The following VEZT variants were observed in gnomAD, a reference collection of about 807,000 sequenced individuals.
The protein encoded by VEZT is vezatin, adherens junctions transmembrane protein, also known as vezatin.
A neutral mutation model predicts 79.9 loss-of-function variants in VEZT; 39 were observed. The ratio of observed to expected loss-of-function variants is 0.49; its 90% CI spans 0.38 to 0.64. The LOEUF (loss-of-function observed/expected upper bound fraction) is 0.64, where lower values mean the gene tolerates loss of function less well. Among genes scored for constraint, VEZT ranks in the 30% least tolerant of loss-of-function variants. The pLI, the probability that VEZT is intolerant of heterozygous loss-of-function variation, is 0.00. For synonymous variants in VEZT, 325 were observed against 327.6 expected, an observed-to-expected ratio of 0.99 and a Z score of 0.09; for missense variants, 837 against 893.1, an observed-to-expected ratio of 0.94 and a Z score of 0.80.
intron 3 of VEZT, among the ~76,000 whole-genome samples, chr12:95,261,526 C>G (rs1427250786): frequency 6.6e-6 from 1 of 152,128 alleles, no homozygotes; most frequent in Non-Finnish European, 1.5e-5. Flanking sequence ...ATTCTCCTGC[C>G]TCAGCTTCCC....
At chr12:95,260,921 T>C (rs1352418376) in intron 3 of VEZT, among the ~76,000 whole-genome samples, 2 of 151,028 alleles carry the variant, frequency 1.3e-5, no homozygotes. Flanking sequence ...AGAATCAGAA[T>C]TGTGGGAAGA....
chr12:95,256,198 T>G (rs565920284), intron 2 of VEZT, among the ~76,000 whole-genome samples: 1 of 152,230 alleles, frequency 6.6e-6, no homozygotes, highest in South Asian at 2.1e-4. Context: ...ATTACAGGCA[T>G]GCACCACTAT....
In VEZT at chr12:95,228,683, C is replaced by T. The variant is rs529385469; in HGVS notation, c.36+10797C>T. 4.9e-4 allele frequency among the ~76,000 whole-genome samples: 75 copies of T among 152,202 alleles called. 1 individual carries two copies. Among genetic ancestry groups the T allele is most frequent in the Middle Eastern group, 6.8e-3 (2 of 294 alleles). On this transcript the variant is annotated intron_variant, in intron 1 of 11. Coordinates refer to ENST00000436874, the MANE Select transcript of VEZT (RefSeq NM_017599.4). ...TATTAATAGTGCTATTAAATCACAACTCTATTGACATCAAAGATTGACCAT... is the reference window on the plus strand; with the variant it reads ...TATTAATAGTGCTATTAAATCACAATTCTATTGACATCAAAGATTGACCAT...
chr12:95,264,562 A>G (rs970313657), intron 4 of VEZT, among the ~76,000 whole-genome samples: 2 of 151,882 alleles, frequency 1.3e-5, no homozygotes, highest in Non-Finnish European at 2.9e-5. Flanking sequence ...CTAGCCTCCC[A>G]AATACCTGGG....
At chr12:95,272,170 A>C (rs561720245) in intron 6 of VEZT, among the ~76,000 whole-genome samples, 20 of 152,328 alleles carry the variant, frequency 1.3e-4, no homozygotes, top group African/African-American at 4.8e-4. Flanking sequence ...GCCTGTCTCA[A>C]ATAAACTAAA....
chr12:95,256,612 G>A (rs1354967246), intron 2 of VEZT: 2 of 1,289,070 alleles, frequency 1.6e-6, no homozygotes, highest in Non-Finnish European at 2.0e-6. Context: ...CTCAAGGAAT[G>A]GGCTATTAAG....
At chr12:95,232,246 A>C (rs1001427921) in intron 1 of VEZT, among the ~76,000 whole-genome samples, 3 of 152,234 alleles carry the variant, frequency 2.0e-5, no homozygotes, top group Admixed American at 2.0e-4. Context: ...CTTTAGTTGC[A>C]GATACCTTTT....
At chr12:95,243,945 C>T (rs1215031422) in intron 1 of VEZT, 3 of 456,072 alleles carry the variant, frequency 6.6e-6, no homozygotes, top group Non-Finnish European at 1.3e-5. Flanking sequence ...ATCTAGGCAG[C>T]AGAGCCCTTG....
intron 11 of VEZT, chr12:95,296,799 G>T (rs933471323): frequency 2.0e-5 from 3 of 152,390 alleles, no homozygotes; most frequent in Admixed American, 2.0e-4. Context: ...AATTAACAAG[G>T]CATGGTGGCG....
At chr12:95,277,475 TGAG>T (rs905241155) in intron 7 of VEZT, among the ~76,000 whole-genome samples, 4 of 150,948 alleles carry the variant, frequency 2.6e-5, no homozygotes, top group Admixed American at 2.0e-4. Flanking sequence ...AAAAAAAAAA[TGAG>T]GAGAAAATAC....
chr12:95,236,728 A>C (rs896737136), intron 1 of VEZT, among the ~76,000 whole-genome samples: 7 of 152,016 alleles, frequency 4.6e-5, no homozygotes, highest in Non-Finnish European at 7.4e-5. Context: ...CCCACATTAC[A>C]GTCTCCTGCC....
At chr12:95,275,389 C>T (rs544633970) in intron 7 of VEZT, among the ~76,000 whole-genome samples, 1 of 152,216 alleles carries the variant, frequency 6.6e-6, no homozygotes, top group African/African-American at 2.4e-5. Flanking sequence ...CACCTGAGCT[C>T]AGGAGTTCGA....
intron 1 of VEZT, among the ~76,000 whole-genome samples, chr12:95,248,684 T>C (rs1203285693): frequency 6.6e-6 from 1 of 152,080 alleles, no homozygotes; most frequent in Non-Finnish European, 1.5e-5. Flanking sequence ...CTCCTGGTTT[T>C]GACTGAGTCT....
intron 1 of VEZT, among the ~76,000 whole-genome samples, chr12:95,240,357 A>G (rs997509691): frequency 2.0e-5 from 3 of 152,176 alleles, no homozygotes; most frequent in African/African-American, 7.2e-5. Context: ...TTTTTTAAAT[A>G]AGGAAAATTT....
rs2065485542 is a variant in VEZT at position 95,266,127 on chromosome 12, A to G, written c.435-230A>G. ...GATACCTGTTTTCTTACTTAAATTTATCAGCTCAGATGTTAATACCTAAGC... is the reference window on the plus strand; with the variant it reads ...GATACCTGTTTTCTTACTTAAATTTGTCAGCTCAGATGTTAATACCTAAGC... On this transcript the variant is annotated intron_variant, in intron 4 of 11. Transcript: ENST00000436874. 4.6e-5 allele frequency among the ~76,000 whole-genome samples: 7 copies of G among 152,202 alleles called. No individual in the cohort carries two copies. In the South Asian group the frequency reaches 1.5e-3, roughly 32 times the overall value.
chr12:95,237,227 G>A (rs2060312279), intron 1 of VEZT, among the ~76,000 whole-genome samples: 1 of 151,954 alleles, frequency 6.6e-6, no homozygotes, highest in Non-Finnish European at 1.5e-5. Flanking sequence ...AAGTTCCCTT[G>A]GTCTCTCTGT....
chr12:95,243,361 CAA>C (rs34891631), intron 1 of VEZT, among the ~76,000 whole-genome samples: 58 of 73,216 alleles, frequency 7.9e-4, no homozygotes, highest in South Asian at 1.9e-3. Flanking sequence ...GACACCATCT[CAA>C]AAAAAAAAAA....
rs1165619468 is a variant in VEZT at position 95,217,970 on chromosome 12, G to A, written c.36+84G>A. ...ATCGAGGAAGCAAGGCGTTCCCGGG[G>A]CGAGGGATCGGGTGACGCGCTCCAG... On this transcript the variant is annotated intron_variant, in intron 1 of 11. Coordinates refer to ENST00000436874, the MANE Select transcript of VEZT (RefSeq NM_017599.4). The A allele has an allele frequency of 2.9e-6, 4 of 1,376,316 alleles. No individual in the cohort carries two copies. The East Asian group carries it at 8.4e-5, about 29-fold the overall frequency. 85.3% of individuals were successfully genotyped at this position (1,376,316 alleles called of 1,614,324 possible). A position where few individuals can be genotyped will look rare whatever the true frequency, so the allele number is the denominator to read the frequency against.
rs2071390697 is a variant in VEZT at position 95,287,850 on chromosome 12, T to C, written c.1515T>C (p.Asp505=). ...QVDKLLRRNT[D]KKGKPEIACE... is the part of the protein sequence containing the mutation. ...ACAAACTGCTACGAAGAAATACAGATAAAAAAGGTACCTGTGAGAGATTTC... is the reference window on the plus strand; with the variant it reads ...ACAAACTGCTACGAAGAAATACAGACAAAAAAGGTACCTGTGAGAGATTTC... The change falls in exon 9 of 12, where the codon GAT becomes GAC. Residue 505 remains aspartate, a synonymous_variant. Transcript: ENST00000436874. 5 of 1,589,242 alleles carry C rather than the reference T, an allele frequency of 3.1e-6. No individual in the cohort carries two copies. The highest frequency in any genetic ancestry group is 1.8e-5 in the Admixed American group (1 of 56,276).
Sources: allele counts gnomAD v4.1 joint callset (sites outside exome capture counted in the v4.1 genomes callset), GRCh38; gene constraint gnomAD v4.1.1; transcripts MANE v1.5; gene names NCBI Gene and HGNC (gene_info 2026-07-23, HGNC 2026-07-21).